Variants in GALNT2 observed in about 807,000 individuals in gnomAD.
The protein encoded by GALNT2 is polypeptide N-acetylgalactosaminyltransferase 2.
GALNT2 carries 31 observed loss-of-function variants against 81.4 expected under a neutral mutation model. The ratio of observed to expected loss-of-function variants is 0.38; its 90% CI spans 0.29 to 0.51. The LOEUF (loss-of-function observed/expected upper bound fraction) is 0.51. Among genes scored for constraint, GALNT2 ranks in the 20% least tolerant of loss-of-function variants. GALNT2 has a pLI of 0.87. For synonymous variants in GALNT2, 303 were observed against 287.4 expected (o/e 1.05, Z -0.55); for missense variants, 629 against 765.7 (o/e 0.82, Z 2.11).
chr1:230,200,062 CTTTT>C (rs34212427), intron 2 of GALNT2, among the ~76,000 whole-genome samples: 6 of 113,506 alleles, frequency 5.3e-5, no homozygotes, highest in Non-Finnish European at 1.0e-4. Context: ...TCTTTTTTTT[CTTTT>C]TTTTTTTTTT....
intron 2 of GALNT2, among the ~76,000 whole-genome samples, chr1:230,190,049 T>A (rs564354881): frequency 5.9e-5 from 9 of 152,300 alleles, no homozygotes; most frequent in African/African-American, 1.9e-4. Flanking sequence ...GGGAGCGAAG[T>A]CTACGTAGTT....
intron 7 of GALNT2, among the ~76,000 whole-genome samples, chr1:230,244,436 A>C (rs565614900): frequency 3.3e-5 from 5 of 152,204 alleles, no homozygotes; most frequent in South Asian, 2.1e-4. Context: ...ACACATGTGC[A>C]TACAGCTATA....
chr1:230,164,042 T>A (rs1388263819), intron 1 of GALNT2, among the ~76,000 whole-genome samples: 1 of 152,228 alleles, frequency 6.6e-6, no homozygotes, highest in Non-Finnish European at 1.5e-5. Flanking sequence ...GTCTCAGTTT[T>A]GTCATCTTTT....
intron 1 of GALNT2, among the ~76,000 whole-genome samples, chr1:230,099,318 C>T (rs760275665): frequency 1.3e-5 from 2 of 152,144 alleles, no homozygotes; most frequent in East Asian, 1.9e-4. Context: ...CCAGAGTTTC[C>T]GAGTCCCGGG....
At chr1:230,244,786 A>T (rs1430764269) in intron 7 of GALNT2, among the ~76,000 whole-genome samples, 1 of 152,162 alleles carries the variant, frequency 6.6e-6, no homozygotes, top group Admixed American at 6.5e-5. Flanking sequence ...CTCTGCCCTC[A>T]ATGCACCACA....
At chr1:230,144,824 A>G (rs1661863462) in intron 1 of GALNT2, among the ~76,000 whole-genome samples, 9 of 152,172 alleles carry the variant, frequency 5.9e-5, no homozygotes, top group Admixed American at 5.9e-4. Flanking sequence ...ATAAAGTATT[A>G]AAAAGCCTGG....
chr1:230,236,198 G>T (rs1050412266), intron 4 of GALNT2, 86 bp downstream of exon 4: 5 of 1,438,834 alleles, frequency 3.5e-6, no homozygotes, highest in Non-Finnish European at 4.8e-6. Flanking sequence ...TGTCAGTGGG[G>T]GCTGCAGACA....
intron 2 of GALNT2, among the ~76,000 whole-genome samples, chr1:230,190,010 G>A (rs907954123): frequency 1.3e-5 from 2 of 152,180 alleles, no homozygotes; most frequent in Non-Finnish European, 2.9e-5. Context: ...GATACATGTC[G>A]TGTGAGGTGG....
intron 1 of GALNT2, among the ~76,000 whole-genome samples, chr1:230,154,924 T>C (rs1485960900): frequency 1.3e-5 from 2 of 152,206 alleles, no homozygotes; most frequent in Non-Finnish European, 2.9e-5. Flanking sequence ...TGGTAACTTG[T>C]GGTTTTATCA....
At chr1:230,141,632 T>G (rs1466375413) in intron 1 of GALNT2, among the ~76,000 whole-genome samples, 1 of 152,160 alleles carries the variant, frequency 6.6e-6, no homozygotes, top group Non-Finnish European at 1.5e-5. Flanking sequence ...TTTCTCCCTA[T>G]TTAGGGCTGA....
chr1:230,242,771 G>A (rs1665239670), intron 6 of GALNT2, among the ~76,000 whole-genome samples: 1 of 152,136 alleles, frequency 6.6e-6, no homozygotes, highest in Admixed American at 6.5e-5. Flanking sequence ...TATATAAATT[G>A]TAGAATTTGA....
rs1035476425 is a variant in GALNT2 at position 230,280,291 on chromosome 1, C to T, written c.*833C>T. The T allele has an allele frequency of 1.7e-5, 5 of 299,508 alleles. No individual in the cohort carries two copies. The highest frequency in any genetic ancestry group is 4.0e-5 in the Admixed American group (1 of 25,104). 18.6% of individuals were successfully genotyped at this position (299,508 alleles called of 1,614,324 possible). On this transcript the variant is annotated 3_prime_UTR_variant, in exon 16 of 16. Transcript: ENST00000366672. ...GGGGCTTCCTCCAGACCACCGGCCT[C>T]GGCCCCGGCATCCCTGTTGGGCGTC...
At chr1:230,192,371 G>C (rs1469297123) in intron 2 of GALNT2, among the ~76,000 whole-genome samples, 1 of 152,192 alleles carries the variant, frequency 6.6e-6, no homozygotes, top group Non-Finnish European at 1.5e-5. Flanking sequence ...ACAAGGTCTT[G>C]TATGAAGTAG....
In GALNT2 at chr1:230,142,788, C is replaced by G. The variant is rs1343735572; in HGVS notation, c.127-35430C>G. On this transcript the variant is annotated intron_variant, in intron 1 of 15. Coordinates refer to ENST00000366672, the MANE Select transcript of GALNT2 (RefSeq NM_004481.5). ...TGGTCAGCTACTTCTTGTCCTCTGT[C>G]TTACTGTGGGGCCTGCGTGGGAAGG... is the stretch of plus-strand genomic sequence containing the variant. 2.0e-5 allele frequency among the ~76,000 whole-genome samples: 3 copies of G among 152,178 alleles called. No homozygotes were observed. In the East Asian group the frequency reaches 5.8e-4, roughly 29 times the overall value.
chr1:230,206,017 A>G (rs554650580), intron 3 of GALNT2, among the ~76,000 whole-genome samples: 1 of 152,334 alleles, frequency 6.6e-6, no homozygotes, highest in East Asian at 1.9e-4. Flanking sequence ...AAAGTCTAGC[A>G]GAATCTAGTG....
At chr1:230,265,870 C>G (rs548859328) in intron 14 of GALNT2, among the ~76,000 whole-genome samples, 1 of 152,224 alleles carries the variant, frequency 6.6e-6, no homozygotes. Context: ...TTCCATTGCA[C>G]ACATACACAC....
At position 230,265,238 on chromosome 1, in the gene GALNT2, C is replaced by T; in HGVS notation, c.1314-3C>T. Reference sequence around the variant, plus strand: ...AGCAGGTGATTCTCACGTTGTTTTTCAGGGTTCCAGACCATCAGGATATAG... The same window carrying T: ...AGCAGGTGATTCTCACGTTGTTTTTTAGGGTTCCAGACCATCAGGATATAG... On this transcript the variant is annotated splice_polypyrimidine_tract_variant and splice_region_variant and intron_variant, in intron 13 of 15. Transcript: ENST00000366672. 1 of 1,614,140 alleles carries T rather than the reference C, an allele frequency of 6.2e-7. No homozygotes were observed. Among genetic ancestry groups the T allele is most frequent in the Non-Finnish European group, 8.5e-7 (1 of 1,180,012 alleles).
chr1:230,144,173 G>T (rs1191942349), intron 1 of GALNT2, among the ~76,000 whole-genome samples: 1 of 152,164 alleles, frequency 6.6e-6, no homozygotes, highest in Non-Finnish European at 1.5e-5. Flanking sequence ...TGCCTTCTGG[G>T]CCACATGTCA....
intron 1 of GALNT2, among the ~76,000 whole-genome samples, chr1:230,086,422 G>C (rs1474896822): frequency 1.3e-5 from 2 of 152,176 alleles, no homozygotes; most frequent in Non-Finnish European, 2.9e-5. Flanking sequence ...AAATGCCTAA[G>C]TCAAGGGAAT....
Sources: gnomAD v4.1 joint callset for allele counts (sites outside exome capture counted in the v4.1 genomes callset) on GRCh38, gnomAD v4.1.1 for gene constraint, MANE v1.5 for transcripts, NCBI Gene and HGNC (gene_info 2026-07-23, HGNC 2026-07-21) for gene names.